Variants in TKTL1 observed in about 807,000 individuals in gnomAD.
TKTL1 encodes the protein transketolase like 1, also known as transketolase-like protein 1.
A neutral mutation model predicts 39.3 loss-of-function variants in TKTL1; 1 was observed. The observed-to-expected ratio is 0.03, with a 90% CI of 0.01 to 0.12. The LOEUF (loss-of-function observed/expected upper bound fraction) is 0.12. Ranked by LOEUF, TKTL1 falls within the 10% of genes least tolerant of loss-of-function variation. The pLI, the probability that TKTL1 is intolerant of heterozygous loss-of-function variation, is 1.00. For synonymous variants in TKTL1, 262 were observed against 193.8 expected, an observed-to-expected ratio of 1.35 and a Z score of -2.92; for missense variants, 575 against 509.6, an observed-to-expected ratio of 1.13 and a Z score of -1.24.
chrX:154,327,223 G>A (rs2067499764), intron 10 of TKTL1: 1 of 344,544 alleles, frequency 2.9e-6, no homozygotes, highest in African/African-American at 2.6e-5. Flanking sequence ...ATCTTACAGG[G>A]AGGCTGTGAG....
intron 1 of TKTL1, among the ~76,000 whole-genome samples, chrX:154,299,579 T>C (rs2067257364): frequency 9.0e-6 from 1 of 111,339 alleles, no homozygotes; most frequent in Admixed American, 9.6e-5. Context: ...GTGTACATTG[T>C]CCCCAATATG....
chrX:154,299,898 A>G (rs1557165535), intron 1 of TKTL1, among the ~76,000 whole-genome samples: 2 of 111,778 alleles, frequency 1.8e-5, no homozygotes, highest in Non-Finnish European at 3.8e-5. Flanking sequence ...GCCTATAAAC[A>G]TGTGTGTGCA....
In TKTL1 at chrX:154,315,186, A is replaced by C; in HGVS notation, c.878A>C (p.Lys293Thr). 8.3e-7 allele frequency: 1 copy of C among 1,210,404 alleles called. No homozygotes were observed. The highest frequency in any genetic ancestry group is 1.1e-6 in the Non-Finnish European group (1 of 894,736). ...TCTGTCTTCTAGATAGCTACTCGGAAAGCATGCGGTCTGGCTCTGGCTAAG... is the reference window on the plus strand; with the variant it reads ...TCTGTCTTCTAGATAGCTACTCGGACAGCATGCGGTCTGGCTCTGGCTAAG... ...YRVGDKIATR[K>T]ACGLALAKLG... Residue 293 changes from lysine (K) to threonine (T), a missense_variant, in exon 7 of 13, where the codon AAA (lysine) becomes ACA (threonine). Physicochemically the swap from Lys to Thr is moderately conservative, Grantham distance 78. Transcript: ENST00000369915.
chrX:154,309,272 A>G (rs782443675), intron 2 of TKTL1, 73 bp from the exon 3 acceptor site: 59 of 892,020 alleles, frequency 6.6e-5, no homozygotes, highest in South Asian at 1.2e-4. Flanking sequence ...AGCAGCCTGC[A>G]CTCAGTGCGT....
At chrX:154,321,589 C>T (rs2067451607) in intron 8 of TKTL1, among the ~76,000 whole-genome samples, 1 of 108,241 alleles carries the variant, frequency 9.2e-6, no homozygotes, top group Admixed American at 1.0e-4. Flanking sequence ...GCGTGAAGAG[C>T]AAAACACACG....
At chrX:154,313,571 G>A (rs868969981) in intron 6 of TKTL1, among the ~76,000 whole-genome samples, 1 of 111,569 alleles carries the variant, frequency 9.0e-6, no homozygotes, top group East Asian at 2.8e-4. Flanking sequence ...GGTAATGAGG[G>A]TTAAAAATAA....
At chrX:154,296,034 G>C (rs368043576) in intron 1 of TKTL1, 41 bp downstream of exon 1, 14 of 1,195,900 alleles carry the variant, frequency 1.2e-5, no homozygotes, top group Admixed American at 4.5e-5. Flanking sequence ...GCAGGGCCAC[G>C]GGCCCGGTGG....
chrX:154,300,689 GTTTGTT>G (rs1433899019), intron 1 of TKTL1, among the ~76,000 whole-genome samples: 17 of 107,606 alleles, frequency 1.6e-4, no homozygotes, highest in African/African-American at 6.2e-4. Flanking sequence ...TTAGGATTTT[GTTTGTT>G]TGTGTTTGTT....
chrX:154,309,338 C>G lies in TKTL1; in HGVS notation c.253-7C>G. 8.3e-7 allele frequency: 1 copy of G among 1,208,669 alleles called. No homozygotes were observed. ...CGTCTGGGCTCACTGGGTCCCTTCT[C>G]TTACAGAGACTGTCGTTTGTGGATG... On this transcript the variant is annotated splice_polypyrimidine_tract_variant and splice_region_variant and intron_variant, in intron 2 of 12. Transcript: ENST00000369915.
intron 1 of TKTL1, among the ~76,000 whole-genome samples, chrX:154,303,262 A>G (rs1444792116): frequency 1.3e-4 from 13 of 102,707 alleles, no homozygotes; most frequent in Non-Finnish European, 2.6e-4. Flanking sequence ...CTCAGCCTAG[A>G]GGTGCAGTGG....
chrX:154,320,649 C>G, intron 7 of TKTL1, 108 bp from the exon 8 acceptor site: 1 of 824,931 alleles, frequency 1.2e-6, no homozygotes, highest in South Asian at 2.2e-5. Context: ...GCTAGAACTT[C>G]AGAGCAGTTC....
rs782243133 is a variant in TKTL1, at chrX:154,312,675, A to T, written c.766A>T (p.Arg256Trp). 1.7e-6 allele frequency: 2 copies of T among 1,211,953 alleles called. No homozygotes were observed. The highest frequency in any genetic ancestry group is 2.2e-5 in the Admixed American group (1 of 46,058). Residue 256 changes from arginine to tryptophan, a missense_variant, in exon 6 of 13, where the codon AGG (arginine) becomes TGG (tryptophan). Arg to Trp is a moderately radical substitution (Grantham distance 101). Coordinates refer to ENST00000369915, the MANE Select transcript of TKTL1 (RefSeq NM_012253.4). ...KLIESQIQTS[R>W]NLDPQPPIED... The stretch of plus-strand genomic sequence containing the variant: ...AATTGAGAGCCAGATACAGACCAGC[A>T]GGAATCTTGACCCACAGCCCCCCAT...
chrX:154,327,551 G>A, intron 10 of TKTL1, 40 bp from the exon 11 acceptor site: 1 of 1,128,092 alleles, frequency 8.9e-7, no homozygotes, highest in Non-Finnish European at 1.2e-6. Flanking sequence ...CATTCTGTGT[G>A]TAGTAACCAC....
chrX:154,323,376 T>C (rs913331251), intron 9 of TKTL1, 39 bp downstream of exon 9: 1 of 1,197,707 alleles, frequency 8.3e-7, no homozygotes, highest in Non-Finnish European at 1.1e-6. Flanking sequence ...CAGAAAATGC[T>C]TCTGGACTCT....
chrX:154,296,134 T>C (rs1396071756), intron 1 of TKTL1, 141 bp downstream of exon 1: 1 of 845,702 alleles, frequency 1.2e-6, no homozygotes, highest in African/African-American at 2.0e-5. Flanking sequence ...TCTTGGGCTG[T>C]TGGGGCCCGG....
At chrX:154,317,324 C>G (rs2067409097) in intron 7 of TKTL1, among the ~76,000 whole-genome samples, 1 of 111,887 alleles carries the variant, frequency 8.9e-6, no homozygotes, top group South Asian at 3.7e-4. Flanking sequence ...GGGACAACCT[C>G]TCAGAAAAGG....
At chrX:154,305,080 C>T (rs1173197729) in intron 1 of TKTL1, 1 of 1,138,845 alleles carries the variant, frequency 8.8e-7, no homozygotes, top group Non-Finnish European at 1.2e-6. Context: ...GTCCACGGTG[C>T]TCTGCGGTTA....
intron 8 of TKTL1, among the ~76,000 whole-genome samples, chrX:154,322,781 T>C (rs2067461957): frequency 9.0e-6 from 1 of 111,101 alleles, no homozygotes; most frequent in East Asian, 2.8e-4. Flanking sequence ...CCTGGAGAAA[T>C]GAAAAAGACC....
chrX:154,310,473 AG>A (rs1183124279), intron 3 of TKTL1, among the ~76,000 whole-genome samples: 1 of 112,650 alleles, frequency 8.9e-6, no homozygotes, highest in Non-Finnish European at 1.9e-5. Flanking sequence ...ATGCTTTAAA[AG>A]GGAACTTACC....
Sources: gnomAD v4.1 joint callset for allele counts (sites outside exome capture counted in the v4.1 genomes callset) on GRCh38, gnomAD v4.1.1 for gene constraint, MANE v1.5 for transcripts, NCBI Gene and HGNC (gene_info 2026-07-23, HGNC 2026-07-21) for gene names.